GPC6: variants seen among roughly 807,000 people sequenced by gnomAD.
GPC6 encodes the protein glypican 6.
Under a neutral mutation model 55.2 loss-of-function variants are expected in GPC6, and 14 were observed. That is an observed-to-expected ratio of 0.25 (90% CI 0.17 to 0.40). The LOEUF (loss-of-function observed/expected upper bound fraction) is 0.40. Among genes scored for constraint, GPC6 ranks in the 10% least tolerant of loss-of-function variants. The pLI is 1.00. For missense variants in GPC6, 641 were observed against 708.5 expected (o/e 0.90, Z 1.08); for synonymous variants, 278 against 259.6 (o/e 1.07, Z -0.68).
At chr13:93,832,012 C>CATTATGTCAAAACATTTGTGTCAAA (rs1887519560) in intron 3 of GPC6, among the ~76,000 whole-genome samples, 1 of 135,410 alleles carries the variant, frequency 7.4e-6, no homozygotes, top group South Asian at 2.5e-4. Context: ...ATGGCATGAA[C>CATTATGTCAAAACATTTGTGTCAAA]CTGGGAGGCG....
intron 1 of GPC6, among the ~76,000 whole-genome samples, chr13:93,281,985 C>T (rs111403020): frequency 0.01 from 1,595 of 152,156 alleles, 30 homozygotes; most frequent in African/African-American, 0.037. Flanking sequence ...AGGTGAGGTG[C>T]GAAGGACCAA....
chr13:94,162,616 G>C (rs954748066), intron 4 of GPC6, among the ~76,000 whole-genome samples: 3 of 152,168 alleles, frequency 2.0e-5, no homozygotes, highest in Non-Finnish European at 4.4e-5. Flanking sequence ...CGAAAGGAGG[G>C]AATGGAGAGG....
chr13:94,388,419 A>G (rs1212735232), intron 7 of GPC6, among the ~76,000 whole-genome samples: 2 of 152,210 alleles, frequency 1.3e-5, no homozygotes, highest in African/African-American at 4.8e-5. Flanking sequence ...TCAACAATGA[A>G]TTGCATAGGC....
chr13:93,623,076 C>T (rs1879027279), intron 2 of GPC6, among the ~76,000 whole-genome samples: 1 of 152,174 alleles, frequency 6.6e-6, no homozygotes, highest in African/African-American at 2.4e-5. Flanking sequence ...CATGCCACCA[C>T]AAATAACAGG....
intron 2 of GPC6, among the ~76,000 whole-genome samples, chr13:93,557,952 G>A (rs1486879939): frequency 2.0e-5 from 3 of 151,952 alleles, no homozygotes; most frequent in Non-Finnish European, 4.4e-5. Context: ...ACAGTCTACA[G>A]TCTTTTCTTC....
At chr13:93,523,124 T>C (rs1881489937) in intron 1 of GPC6, among the ~76,000 whole-genome samples, 1 of 148,052 alleles carries the variant, frequency 6.8e-6, no homozygotes, top group South Asian at 2.1e-4. Flanking sequence ...TGTATATATG[T>C]ACCCATATAT....
chr13:94,001,893 G>A (rs1412167373), intron 3 of GPC6, among the ~76,000 whole-genome samples: 4 of 152,080 alleles, frequency 2.6e-5, no homozygotes, highest in African/African-American at 4.8e-5. Flanking sequence ...GAACCAAAAT[G>A]CTGGAGAGGT....
chr13:94,034,108 T>C (rs1419781984), intron 4 of GPC6, among the ~76,000 whole-genome samples: 1 of 152,076 alleles, frequency 6.6e-6, no homozygotes, highest in Non-Finnish European at 1.5e-5. Context: ...ATATTTCTCA[T>C]TTCTTGTGGG....
At chr13:93,574,693 C>G (rs1044883595) in intron 2 of GPC6, among the ~76,000 whole-genome samples, 7 of 152,098 alleles carry the variant, frequency 4.6e-5, no homozygotes, top group African/African-American at 9.7e-5. Context: ...CCATTACCCC[C>G]CAAAAATCTT....
chr13:93,651,251 T>A (rs1199270786), intron 2 of GPC6, among the ~76,000 whole-genome samples: 1 of 150,242 alleles, frequency 6.7e-6, no homozygotes, highest in Non-Finnish European at 1.5e-5. Context: ...GGAATCTACC[T>A]ATTTTTTTTT....
At chr13:94,271,220 T>C (rs1447039386) in intron 4 of GPC6, among the ~76,000 whole-genome samples, 1 of 151,746 alleles carries the variant, frequency 6.6e-6, no homozygotes, top group Non-Finnish European at 1.5e-5. Flanking sequence ...CTCGATCTCC[T>C]GACCTCGTGA....
intron 1 of GPC6, among the ~76,000 whole-genome samples, chr13:93,339,047 G>C (rs1880143780): frequency 6.6e-6 from 1 of 152,128 alleles, no homozygotes; most frequent in Non-Finnish European, 1.5e-5. Flanking sequence ...AACGTTTCCA[G>C]TGATGAAAGG....
intron 3 of GPC6, among the ~76,000 whole-genome samples, chr13:93,896,343 C>A (rs1458541455): frequency 6.6e-6 from 1 of 152,056 alleles, no homozygotes; most frequent in South Asian, 2.1e-4. Context: ...ACCTCTAAGT[C>A]CTTATAGAAA....
chr13:93,417,701 CA>C (rs1190648005), intron 1 of GPC6, among the ~76,000 whole-genome samples: 2 of 151,966 alleles, frequency 1.3e-5, no homozygotes, highest in Non-Finnish European at 2.9e-5. Flanking sequence ...TTTGAATTTA[CA>C]AAACTGTTGT....
intron 6 of GPC6, among the ~76,000 whole-genome samples, chr13:94,320,731 T>C (rs1018383105): frequency 6.6e-6 from 1 of 152,238 alleles, no homozygotes; most frequent in Non-Finnish European, 1.5e-5. Flanking sequence ...TGTTTTCTTT[T>C]CTGGGTCCCC....
chr13:93,912,465 CG>C (rs1877035759), intron 3 of GPC6, among the ~76,000 whole-genome samples: 1 of 152,102 alleles, frequency 6.6e-6, no homozygotes, highest in Non-Finnish European at 1.5e-5. Flanking sequence ...CAAATTCGGC[CG>C]GGTGCAGTGG....
intron 2 of GPC6, among the ~76,000 whole-genome samples, chr13:93,576,968 T>G (rs1158145328): frequency 6.6e-6 from 1 of 152,152 alleles, no homozygotes; most frequent in Non-Finnish European, 1.5e-5. Flanking sequence ...TCCGTGTATT[T>G]GAAATACATT....
intron 2 of GPC6, among the ~76,000 whole-genome samples, chr13:93,635,077 T>C (rs1287248937): frequency 2.0e-5 from 3 of 152,054 alleles, no homozygotes; most frequent in Non-Finnish European, 2.9e-5. Flanking sequence ...TCTTTGTATA[T>C]ATTTTAAAAA....
intron 2 of GPC6, among the ~76,000 whole-genome samples, chr13:93,686,933 G>A (rs1325127468): frequency 2.6e-5 from 4 of 151,894 alleles, no homozygotes; most frequent in Admixed American, 6.6e-5. Flanking sequence ...ATATGGAGAA[G>A]AATTGAGCAT....
Sources: gnomAD v4.1 joint callset for allele counts (sites outside exome capture counted in the v4.1 genomes callset) on GRCh38, gnomAD v4.1.1 for gene constraint, MANE v1.5 for transcripts, NCBI Gene and HGNC (gene_info 2026-07-23, HGNC 2026-07-21) for gene names.